Variants in LOC400499 observed in about 807,000 individuals in gnomAD.
At chr16:11,516,175 G>C in the LOC400499 span, 2 of 399,696 alleles carry the variant, frequency 5.0e-6, no homozygotes, top group East Asian at 7.1e-5. Context: ...GGGCCCCTGG[G>C]TGGCCCTGCA....
At chr16:11,438,581 G>A in the LOC400499 span, among the ~76,000 whole-genome samples, 1 of 143,540 alleles carries the variant, frequency 7.0e-6, no homozygotes, top group African/African-American at 2.8e-5. Context: ...GGCCAGCCTG[G>A]GCAACATAGC....
the LOC400499 span, among the ~76,000 whole-genome samples, chr16:11,410,653 A>C: frequency 6.6e-6 from 1 of 152,150 alleles, no homozygotes; most frequent in Non-Finnish European, 1.5e-5. Flanking sequence ...TAGGAAAATG[A>C]AGTGACTAGT....
At chr16:11,387,776 G>A in the LOC400499 span, among the ~76,000 whole-genome samples, 4 of 152,032 alleles carry the variant, frequency 2.6e-5, no homozygotes, top group East Asian at 3.9e-4. Flanking sequence ...AGCGCCCACC[G>A]CAACACCCGG....
chr16:11,505,440 CTTTTCTTTTTT>C, the LOC400499 span, among the ~76,000 whole-genome samples: 2 of 75,306 alleles, frequency 2.7e-5, no homozygotes, highest in South Asian at 4.0e-4. Context: ...TTTAATTTTT[CTTTTCTTTTTT>C]TTTTTTTTTT....
At chr16:11,444,791 T>C in the LOC400499 span, among the ~76,000 whole-genome samples, 3 of 151,970 alleles carry the variant, frequency 2.0e-5, no homozygotes, top group African/African-American at 7.3e-5. Flanking sequence ...CACACAAAAA[T>C]AGAACTGGGG....
At chr16:11,412,519 A>C in the LOC400499 span, among the ~76,000 whole-genome samples, 2 of 152,268 alleles carry the variant, frequency 1.3e-5, no homozygotes, top group East Asian at 1.9e-4. Flanking sequence ...CCCCTGACTT[A>C]CTGCACACGT....
chr16:11,385,705 C>T, the LOC400499 span, among the ~76,000 whole-genome samples: 2 of 152,378 alleles, frequency 1.3e-5, no homozygotes, highest in East Asian at 1.9e-4. Context: ...TCAAATGCCA[C>T]AGGGTCTATG....
At chr16:11,494,734 G>A in the LOC400499 span, 8,106 of 399,232 alleles carry the variant, frequency 0.02, 115 homozygotes, top group Non-Finnish European at 0.025. Flanking sequence ...AGGCGCCAGG[G>A]CTGGCCCTCG....
the LOC400499 span, chr16:11,414,662 G>A: frequency 5.0e-6 from 2 of 397,844 alleles, no homozygotes; most frequent in East Asian, 3.6e-5. Context: ...GGTGCTGGGT[G>A]GGGTCAACCC....
At chr16:11,449,281 A>G in the LOC400499 span, among the ~76,000 whole-genome samples, 1 of 152,144 alleles carries the variant, frequency 6.6e-6, no homozygotes, top group Non-Finnish European at 1.5e-5. Flanking sequence ...TTTTCTCTAC[A>G]GGGCCTTGAA....
At chr16:11,379,015 G>C in the LOC400499 span, among the ~76,000 whole-genome samples, 1 of 152,208 alleles carries the variant, frequency 6.6e-6, no homozygotes, top group East Asian at 1.9e-4. Flanking sequence ...TGTAACCCCA[G>C]CACTTTAGGA....
At chr16:11,500,477 C>A in the LOC400499 span, among the ~76,000 whole-genome samples, 66 of 148,904 alleles carry the variant, frequency 4.4e-4, no homozygotes, top group Admixed American at 3.0e-3. Flanking sequence ...CACTGCTGCA[C>A]TCCAGCTTGG....
chr16:11,525,288 G>C, the LOC400499 span, among the ~76,000 whole-genome samples: 4 of 124,548 alleles, frequency 3.2e-5, no homozygotes, highest in Non-Finnish European at 4.9e-5. Flanking sequence ...TTAAGACCTT[G>C]TCCCAAAAAA....
At chr16:11,448,189 A>G in the LOC400499 span, 1 of 1,297,204 alleles carries the variant, frequency 7.7e-7, no homozygotes, top group Non-Finnish European at 1.0e-6. Flanking sequence ...CCCAGAAATG[A>G]CTATCCGAGA....
chr16:11,510,927 C>T, the LOC400499 span, among the ~76,000 whole-genome samples: 4 of 151,162 alleles, frequency 2.6e-5, no homozygotes, highest in Admixed American at 6.6e-5. Context: ...CCCTAAAGAA[C>T]GGGGCCAGGA....
the LOC400499 span, chr16:11,383,915 G>A: frequency 1.6e-6 from 2 of 1,231,950 alleles, no homozygotes; most frequent in Non-Finnish European, 1.0e-6. Flanking sequence ...AAGCTGGAGT[G>A]GGGGCCCTCG....
chr16:11,393,325 C>T, the LOC400499 span: 5 of 1,195,068 alleles, frequency 4.2e-6, no homozygotes, highest in Admixed American at 4.2e-5. Context: ...CCCAGACCCC[C>T]GTCCTTTCTT....
the LOC400499 span, among the ~76,000 whole-genome samples, chr16:11,473,845 G>A: frequency 3.3e-5 from 5 of 152,218 alleles, no homozygotes; most frequent in African/African-American, 1.2e-4. Flanking sequence ...TTGTTTGTTT[G>A]TTTAGTTAGT....
At chr16:11,450,121 A>G in the LOC400499 span, among the ~76,000 whole-genome samples, 1 of 152,120 alleles carries the variant, frequency 6.6e-6, no homozygotes, top group African/African-American at 2.4e-5. Flanking sequence ...GACCTTCCCC[A>G]CATCCACGCA....
Sources: gnomAD v4.1 joint callset for allele counts (sites outside exome capture counted in the v4.1 genomes callset) on GRCh38, gnomAD v4.1.1 for gene constraint, MANE v1.5 for transcripts.